Variants in TTC29 observed in about 807,000 individuals in gnomAD.
TTC29 encodes the protein tetratricopeptide repeat protein 29.
A neutral mutation model predicts 58.1 loss-of-function variants in TTC29; 49 were observed. The ratio of observed to expected loss-of-function variants is 0.84; its 90% confidence interval spans 0.67 to 1.07. TTC29 has a LOEUF of 1.07. Among genes scored for constraint, TTC29 ranks in the 50% least tolerant of loss-of-function variants. The probability of loss-of-function intolerance (pLI) is 0.00; values close to 1 mark genes in which losing one functional copy is unlikely to be tolerated. For synonymous variants in TTC29, 209 were observed against 196.8 expected (o/e 1.06, Z -0.52); for missense variants, 582 against 555.6 (o/e 1.05, Z -0.48).
chr4:146,834,971 T>A (rs751253936), intron 8 of TTC29, among the ~76,000 whole-genome samples: 2 of 152,156 alleles, frequency 1.3e-5, no homozygotes, highest in Non-Finnish European at 2.9e-5. Context: ...GACCCAGGGT[T>A]TTAATTCCTG....
At chr4:146,892,571 A>G (rs1275781199) in intron 6 of TTC29, among the ~76,000 whole-genome samples, 1 of 152,224 alleles carries the variant, frequency 6.6e-6, no homozygotes, top group Non-Finnish European at 1.5e-5. Context: ...ACCCACAGCC[A>G]GTATCATACT....
At chr4:146,787,984 A>G (rs1749154414) in intron 11 of TTC29, among the ~76,000 whole-genome samples, 1 of 151,846 alleles carries the variant, frequency 6.6e-6, no homozygotes, top group Admixed American at 6.6e-5. Context: ...CTGCCTGGGT[A>G]CAGCATGCTG....
intron 11 of TTC29, among the ~76,000 whole-genome samples, chr4:146,720,757 A>G (rs896951388): frequency 6.6e-6 from 1 of 152,142 alleles, no homozygotes; most frequent in East Asian, 1.9e-4. Flanking sequence ...TTGTATAATA[A>G]TGAATAAGAC....
At chr4:146,852,263 A>G (rs1729564109) in intron 8 of TTC29, among the ~76,000 whole-genome samples, 1 of 152,246 alleles carries the variant, frequency 6.6e-6, no homozygotes, top group Non-Finnish European at 1.5e-5. Flanking sequence ...ATTAATGCCA[A>G]TAAGTAGTTC....
intron 11 of TTC29, among the ~76,000 whole-genome samples, chr4:146,762,302 A>C (rs976564651): frequency 1.3e-5 from 2 of 151,880 alleles, no homozygotes; most frequent in African/African-American, 4.8e-5. Flanking sequence ...GTTGGAATAT[A>C]ATAGAAAGCT....
At chr4:146,922,136 G>A (rs781232967) in intron 4 of TTC29, among the ~76,000 whole-genome samples, 10 of 149,942 alleles carry the variant, frequency 6.7e-5, no homozygotes, top group Non-Finnish European at 1.2e-4. Context: ...CACATATTTA[G>A]AATTGAAAGA....
At chr4:146,761,413 G>A (rs1746890657) in intron 11 of TTC29, among the ~76,000 whole-genome samples, 1 of 151,868 alleles carries the variant, frequency 6.6e-6, no homozygotes, top group Non-Finnish European at 1.5e-5. Context: ...AGATTCTCTT[G>A]TGTCACAAAT....
intron 11 of TTC29, among the ~76,000 whole-genome samples, chr4:146,790,481 C>T (rs1364616359): frequency 6.6e-6 from 1 of 152,054 alleles, no homozygotes; most frequent in Non-Finnish European, 1.5e-5. Context: ...GCCACTGCAC[C>T]CGGCCACTAA....
chr4:146,779,056 C>G (rs577225371), intron 11 of TTC29, among the ~76,000 whole-genome samples: 1 of 132,242 alleles, frequency 7.6e-6, no homozygotes, highest in East Asian at 2.2e-4. Context: ...TAGACAACAA[C>G]AGCTTTGAAC....
chr4:146,923,109 C>T (rs1021527545), intron 4 of TTC29, among the ~76,000 whole-genome samples: 1 of 151,738 alleles, frequency 6.6e-6, no homozygotes, highest in African/African-American at 2.4e-5. Context: ...ATACAAGTAA[C>T]CATTGTAATT....
chr4:146,812,697 A>C (rs1414949204), intron 10 of TTC29: 1 of 152,230 alleles, frequency 6.6e-6, no homozygotes, highest in Admixed American at 6.5e-5. Context: ...CTCTATTTTA[A>C]AACACTACTA....
At chr4:146,807,675 C>A (rs570008711) in intron 10 of TTC29, among the ~76,000 whole-genome samples, 2 of 152,212 alleles carry the variant, frequency 1.3e-5, no homozygotes, top group East Asian at 3.9e-4. Flanking sequence ...TATACCCTCC[C>A]AAGACTATAC....
At chr4:146,822,121 TAA>T (rs200326558) in intron 9 of TTC29, among the ~76,000 whole-genome samples, 4,341 of 143,318 alleles carry the variant, frequency 0.03, 161 homozygotes, top group African/African-American at 0.09. Flanking sequence ...TATTTTCTTT[TAA>T]AAAAAAAAAA....
chr4:146,845,123 C>G (rs1729085022), intron 8 of TTC29, among the ~76,000 whole-genome samples: 1 of 152,168 alleles, frequency 6.6e-6, no homozygotes, highest in African/African-American at 2.4e-5. Flanking sequence ...CTTGCCACAG[C>G]AATCTTCACA....
At chr4:146,754,139 T>A (rs1746246984) in intron 11 of TTC29, among the ~76,000 whole-genome samples, 1 of 150,400 alleles carries the variant, frequency 6.6e-6, no homozygotes, top group South Asian at 2.1e-4. Context: ...TTTATATATT[T>A]AAAAAAAAAG....
intron 4 of TTC29, among the ~76,000 whole-genome samples, chr4:146,912,389 T>A (rs971845823): frequency 8.5e-5 from 13 of 152,140 alleles, no homozygotes; most frequent in African/African-American, 2.4e-4. Flanking sequence ...TAAAAAAAAA[T>A]TTCTTGTTTT....
intron 10 of TTC29, among the ~76,000 whole-genome samples, chr4:146,814,174 T>C (rs965010674): frequency 6.6e-6 from 1 of 152,166 alleles, no homozygotes; most frequent in Admixed American, 6.5e-5. Context: ...GCAGATATAG[T>C]TTCCGCTCTC....
intron 11 of TTC29, among the ~76,000 whole-genome samples, chr4:146,802,468 G>A (rs1398447745): frequency 1.3e-5 from 2 of 152,202 alleles, no homozygotes; most frequent in Non-Finnish European, 2.9e-5. Context: ...TTTGGAAGAA[G>A]ATCTTTCCTC....
chr4:146,831,001 T>C (rs961492392), intron 9 of TTC29, among the ~76,000 whole-genome samples: 8 of 152,202 alleles, frequency 5.3e-5, no homozygotes, highest in Non-Finnish European at 1.0e-4. Flanking sequence ...TTGAATTATT[T>C]TGCACAGATA....
Sources: allele counts gnomAD v4.1 joint callset (sites outside exome capture counted in the v4.1 genomes callset), GRCh38; gene constraint gnomAD v4.1.1; transcripts MANE v1.5; gene names NCBI Gene and HGNC (gene_info 2026-07-23, HGNC 2026-07-21).